MALRD1: variants seen among roughly 807,000 people sequenced by gnomAD.
The protein encoded by MALRD1 is MAM and LDL-receptor class A domain-containing protein 1.
A neutral mutation model predicts 242.1 loss-of-function variants in MALRD1; 247 were observed. The observed-to-expected ratio is 1.02, with a 90% CI of 0.92 to 1.13. MALRD1 has a LOEUF of 1.13. Ranked by LOEUF, MALRD1 falls within the 50% of genes most tolerant of loss-of-function variation. MALRD1 has a pLI of 0.00. For synonymous variants in MALRD1, 995 were observed against 866.6 expected, an observed-to-expected ratio of 1.15 and a Z score of -2.60; for missense variants, 2,989 against 2,533.1, an observed-to-expected ratio of 1.18 and a Z score of -3.86.
intron 24 of MALRD1, among the ~76,000 whole-genome samples, chr10:19,334,826 TTAAA>T (rs1220161453): frequency 6.6e-6 from 1 of 152,128 alleles, no homozygotes; most frequent in African/African-American, 2.4e-5. Context: ...AGGTTAACAG[TTAAA>T]TAGAGCACAT....
rs1412329910 is a variant in MALRD1, at chr10:19,584,400, G to A, written c.5681-10794G>A. On this transcript the variant is annotated intron_variant, in intron 33 of 39. Coordinates refer to ENST00000454679, the MANE Select transcript of MALRD1 (RefSeq NM_001142308.3). The stretch of plus-strand genomic sequence containing the variant: ...TCCCTCTACACACTGCTTTGAATGC[G>A]TCCCAGAGATTCTGGTATGTTGTGT... 7.2e-5 allele frequency among the ~76,000 whole-genome samples: 11 copies of A among 151,972 alleles called. 1 individual carries two copies. Among genetic ancestry groups the A allele is most frequent in the South Asian group, 4.1e-4 (2 of 4,824 alleles).
chr10:19,510,393 C>A (rs1445346764), intron 31 of MALRD1, among the ~76,000 whole-genome samples: 1 of 152,196 alleles, frequency 6.6e-6, no homozygotes, highest in Non-Finnish European at 1.5e-5. Context: ...CCCACAAGGC[C>A]ATATTTCAGA....
intron 14 of MALRD1, among the ~76,000 whole-genome samples, chr10:19,199,705 G>A (rs10827046): frequency 0.074 from 11,222 of 151,998 alleles, 526 homozygotes; most frequent in East Asian, 0.19. Flanking sequence ...GTAAGCTGAG[G>A]CATGAGAATT....
intron 32 of MALRD1, among the ~76,000 whole-genome samples, chr10:19,553,112 C>T (rs1372900163): frequency 6.6e-6 from 1 of 152,010 alleles, no homozygotes; most frequent in Non-Finnish European, 1.5e-5. Flanking sequence ...TATATATGCA[C>T]TCGTGTTCAC....
chr10:19,438,392 C>T (rs1834446060), intron 28 of MALRD1, among the ~76,000 whole-genome samples: 1 of 152,060 alleles, frequency 6.6e-6, no homozygotes, highest in Non-Finnish European at 1.5e-5. Flanking sequence ...TTATATGTAC[C>T]ACATATCCAT....
intron 33 of MALRD1, among the ~76,000 whole-genome samples, chr10:19,581,470 T>C (rs1422657265): frequency 6.6e-6 from 1 of 151,158 alleles, no homozygotes; most frequent in African/African-American, 2.4e-5. Context: ...ATATGTGGTG[T>C]TTGGTATTTT....
chr10:19,249,802 T>A (rs1839224215), intron 18 of MALRD1, among the ~76,000 whole-genome samples: 1 of 152,038 alleles, frequency 6.6e-6, no homozygotes, highest in Non-Finnish European at 1.5e-5. Context: ...TGGGTGGGTA[T>A]GTGGGACATT....
intron 5 of MALRD1, among the ~76,000 whole-genome samples, chr10:19,110,904 A>C (rs917821174): frequency 3.3e-5 from 5 of 152,164 alleles, no homozygotes; most frequent in Admixed American, 6.5e-5. Flanking sequence ...GAAATCACCT[A>C]TTGGCTGGAC....
chr10:19,432,538 C>T (rs1363081483), intron 28 of MALRD1, among the ~76,000 whole-genome samples: 1 of 152,094 alleles, frequency 6.6e-6, no homozygotes, highest in Admixed American at 6.5e-5. Context: ...TATTTAGTGC[C>T]TTCACAATGC....
At chr10:19,372,275 A>G (rs1463283778) in intron 26 of MALRD1, among the ~76,000 whole-genome samples, 1 of 152,130 alleles carries the variant, frequency 6.6e-6, no homozygotes, top group African/African-American at 2.4e-5. Flanking sequence ...CATCTTGGGG[A>G]AAGAAATAGC....
chr10:19,350,876 G>A (rs1448263944), intron 25 of MALRD1, among the ~76,000 whole-genome samples: 1 of 152,138 alleles, frequency 6.6e-6, no homozygotes, highest in Non-Finnish European at 1.5e-5. Flanking sequence ...TTGGCCCCTG[G>A]CCACTTTGTT....
intron 21 of MALRD1, among the ~76,000 whole-genome samples, chr10:19,300,289 G>T (rs1841886838): frequency 6.6e-6 from 1 of 151,846 alleles, no homozygotes; most frequent in South Asian, 2.1e-4. Flanking sequence ...TGGCTATACT[G>T]CCCAAAGCAA....
intron 14 of MALRD1, among the ~76,000 whole-genome samples, chr10:19,200,645 G>GTGTTTTTTTTT (rs1836480722): frequency 1.4e-5 from 1 of 69,450 alleles, no homozygotes; most frequent in Admixed American, 1.9e-4. Flanking sequence ...CCTGCTTGAG[G>GTGTTTTTTTTT]TTTTTTTTTT....
intron 26 of MALRD1, 38 bp from the exon 27 acceptor site, chr10:19,387,490 G>C (rs1445196863): frequency 1.3e-6 from 2 of 1,537,900 alleles, no homozygotes; most frequent in Non-Finnish European, 1.8e-6. Context: ...TGTGTTAGGA[G>C]TGTTCGCTCA....
chr10:19,170,083 G>A (rs1834859363), intron 13 of MALRD1, among the ~76,000 whole-genome samples: 1 of 152,176 alleles, frequency 6.6e-6, no homozygotes, highest in Non-Finnish European at 1.5e-5. Context: ...GTTAGGTAGG[G>A]CATTTGCTCT....
chr10:19,499,110 ATGAG>A lies in MALRD1; in HGVS notation c.5320+470_5320+473del, dbSNP rs1258878856. ...GTGTAAAATGGTAAGTGGTGATGGA[ATGAG>A]TGAGTATCAGCATAATCTTCACAAG... On this transcript the variant is annotated intron_variant, in intron 31 of 39. Transcript: ENST00000454679. Among the ~76,000 whole-genome samples the A allele has an allele frequency of 2.6e-5, 4 of 152,286 alleles. No individual in the cohort carries two copies. In the South Asian group the frequency reaches 6.2e-4, roughly 24 times the overall value.
intron 34 of MALRD1, 94 bp downstream of exon 34, chr10:19,595,551 C>A: frequency 1.5e-6 from 2 of 1,326,372 alleles, no homozygotes; most frequent in Non-Finnish European, 2.0e-6. Context: ...TTCTCTAGAG[C>A]CTTACCGTGA....
chr10:19,252,362 A>G (rs1481455941), intron 18 of MALRD1, among the ~76,000 whole-genome samples: 3 of 152,058 alleles, frequency 2.0e-5, no homozygotes, highest in Admixed American at 2.0e-4. Flanking sequence ...ATAGTCAAGG[A>G]TGGGGATGAA....
chr10:19,391,268 C>T (rs1336519480), intron 28 of MALRD1, among the ~76,000 whole-genome samples: 3 of 152,164 alleles, frequency 2.0e-5, no homozygotes, highest in East Asian at 1.9e-4. Flanking sequence ...AAAGTATATG[C>T]CTGTACTTAG....
Sources: gnomAD v4.1 joint callset for allele counts (sites outside exome capture counted in the v4.1 genomes callset) on GRCh38, gnomAD v4.1.1 for gene constraint, MANE v1.5 for transcripts, NCBI Gene and HGNC (gene_info 2026-07-23, HGNC 2026-07-21) for gene names.